EHD3: variants seen among roughly 807,000 people sequenced by gnomAD.
The protein encoded by EHD3 is EH domain-containing protein 3.
In EHD3, 17 loss-of-function variants were observed where a neutral mutation model predicts 43.0. The observed-to-expected ratio is 0.40, with a 90% CI of 0.27 to 0.59. The LOEUF (loss-of-function observed/expected upper bound fraction) is 0.59. Among genes scored for constraint, EHD3 ranks in the 20% least tolerant of loss-of-function variants. The probability of loss-of-function intolerance (pLI) is 0.49; values close to 1 mark genes in which losing one functional copy is unlikely to be tolerated. For missense variants in EHD3, 594 were observed against 705.6 expected (o/e 0.84, Z 1.79); for synonymous variants, 313 against 289.5 (o/e 1.08, Z -0.82).
intron 3 of EHD3, among the ~76,000 whole-genome samples, chr2:31,252,459 G>A (rs1169672716): frequency 4.6e-5 from 7 of 152,090 alleles, no homozygotes; most frequent in Admixed American, 6.5e-5. Context: ...TTCTGTTTTT[G>A]TTGTTGTTGT....
In EHD3 at chr2:31,266,314, C is replaced by A. The variant is rs1683950111; in HGVS notation, c.1218C>A (p.Ile406=). Residue 406 remains isoleucine, a synonymous_variant, in exon 6 of 6, where the codon ATC becomes ATA. Coordinates refer to ENST00000322054, the MANE Select transcript of EHD3 (RefSeq NM_014600.3). The surrounding 1 kb of genome is among the most constrained non-coding windows in gnomAD (Gnocchi z 5.1). ...GCCAGGAGGAGTCACAGCGGCCCAT[C>A]CAGATGGTGAAGGGCGGAGCGTTCG... ...LVRQEESQRP[I]QMVKGGAFEG... is the part of the protein sequence containing the mutation. The A allele has an allele frequency of 1.2e-6, 2 of 1,614,078 alleles. No homozygotes were observed. Among genetic ancestry groups the A allele is most frequent in the African/African-American group, 1.3e-5 (1 of 74,916 alleles).
chr2:31,266,446 G>C lies in EHD3; in HGVS notation c.1350G>C (p.Glu450Asp). The change falls in exon 6 of 6, where the codon GAG becomes GAC. Residue 450 changes from glutamate (E) to aspartate (D), a missense_variant. Transcript: ENST00000322054. This position sits in a 1 kb window ranked among gnomAD's most constrained non-coding sequence, Gnocchi z 5.1. The stretch of plus-strand genomic sequence containing the variant: ...CCAGGGACAAGCCCATGTACGACGA[G>C]ATCTTCTACACCCTGTCACCGGTGG... ...VVARDKPMYD[E>D]IFYTLSPVDG... The C allele has an allele frequency of 1.2e-6, 2 of 1,614,044 alleles. No individual in the cohort carries two copies. The highest frequency in any genetic ancestry group is 1.7e-6 in the Non-Finnish European group (2 of 1,180,000).
rs75729179 is a variant in EHD3 at position 31,239,805 on chromosome 2, C to T, written c.228-4469C>T. Reference sequence around the variant, plus strand: ...TTAGCACCAGCTGTGCTCCAGGCACCGCGCATGGGGCTTTATCATTTCCTC... The same window carrying T: ...TTAGCACCAGCTGTGCTCCAGGCACTGCGCATGGGGCTTTATCATTTCCTC... On this transcript the variant is annotated intron_variant, in intron 1 of 5. Coordinates refer to ENST00000322054, the MANE Select transcript of EHD3 (RefSeq NM_014600.3). 6.7e-3 allele frequency among the ~76,000 whole-genome samples: 1,019 copies of T among 151,380 alleles called. 10 individuals are homozygous for T. The highest frequency in any genetic ancestry group is 0.021 in the African/African-American group (873 of 41,132).
At chr2:31,243,471 T>A (rs1683461462) in intron 1 of EHD3, among the ~76,000 whole-genome samples, 1 of 145,292 alleles carries the variant, frequency 6.9e-6, no homozygotes, top group Non-Finnish European at 1.5e-5. Context: ...TTTTTTTTTT[T>A]TTGAGACAGA....
intron 2 of EHD3, 33 bp downstream of exon 2, chr2:31,244,483 G>A (rs754667380): frequency 3.7e-6 from 6 of 1,602,992 alleles, no homozygotes; most frequent in Non-Finnish European, 5.1e-6. Context: ...ACTTTCAGGT[G>A]CTCTCTTTTC....
intron 1 of EHD3, among the ~76,000 whole-genome samples, chr2:31,237,877 TCTTCA>T (rs1191474275): frequency 1.3e-5 from 2 of 152,256 alleles, no homozygotes; most frequent in Admixed American, 1.3e-4. Context: ...TATATACGAT[TCTTCA>T]CTTAATCTAC....
rs1459682316 is a variant in EHD3 at position 31,266,555 on chromosome 2, C to G, written c.1459C>G (p.Leu487Val). The G allele has an allele frequency of 6.2e-7, 1 of 1,614,180 alleles. No individual in the cohort carries two copies. Among genetic ancestry groups the G allele is most frequent in the Non-Finnish European group, 8.5e-7 (1 of 1,180,038 alleles). ...CAGTGTGCTGGGCAAGATCTGGAAG[C>G]TGGCCGACATTGACAAGGATGGCAT... ...PNSVLGKIWK[L>V]ADIDKDGMLD... Residue 487 changes from leucine (L) to valine (V), a missense_variant, in exon 6 of 6, where the codon CTG becomes GTG. By Grantham distance (32) the Leu-to-Val change is conservative. Around this residue, in one of 3 missense-constraint regions of EHD3, gnomAD observed 322 missense variants for 348.0 expected, o/e 0.93. Coordinates refer to ENST00000322054, the MANE Select transcript of EHD3 (RefSeq NM_014600.3). This position sits in a 1 kb window ranked among gnomAD's most constrained non-coding sequence, Gnocchi z 5.1.
Position 31,244,386 on chromosome 2 carries a change from CTGG to C in EHD3, c.347_349del (p.Val116del). ...GGAGGGGATCATCCCTGGGAACGCC[CTGG>C]TGGTGGATCCCAAGAAACCCTTCAG... On this transcript the variant is annotated inframe_deletion, in exon 2 of 6. Transcript: ENST00000322054. The C allele has an allele frequency of 6.2e-7, 1 of 1,614,212 alleles. No individual in the cohort carries two copies. Among genetic ancestry groups the C allele is most frequent in the South Asian group, 1.1e-5 (1 of 91,086 alleles).
At chr2:31,239,762 G>A (rs567282561) in intron 1 of EHD3, among the ~76,000 whole-genome samples, 2 of 152,234 alleles carry the variant, frequency 1.3e-5, no homozygotes, top group African/African-American at 4.8e-5. Flanking sequence ...GGGGTGGGGA[G>A]GGGGAGGCAG....
intron 1 of EHD3, among the ~76,000 whole-genome samples, chr2:31,242,163 G>A (rs890337160): frequency 1.7e-4 from 26 of 152,192 alleles, no homozygotes; most frequent in Non-Finnish European, 2.6e-4. Context: ...AGCTCAGAAC[G>A]CTGCTCAAAG....
chr2:31,260,872 G>A lies in EHD3; in HGVS notation c.865G>A (p.Ala289Thr), dbSNP rs976025920. Residue 289 changes from alanine (A) to threonine (T), a missense_variant, in exon 4 of 6, where the codon GCT becomes ACT. By Grantham distance (58) the Ala-to-Thr change is moderately conservative. Coordinates refer to ENST00000322054, the MANE Select transcript of EHD3 (RefSeq NM_014600.3). This position sits in a 1 kb window ranked among gnomAD's most constrained non-coding sequence, Gnocchi z 4.6. ...FRDIQSLPRN[A>T]ALRKLNDLIK... ...GGACATCCAGAGTCTGCCCCGAAAT[G>A]CTGCCCTGCGCAAGCTCAACGACCT... The A allele has an allele frequency of 1.2e-6, 2 of 1,613,958 alleles. No homozygotes were observed. The highest frequency in any genetic ancestry group is 1.7e-6 in the Non-Finnish European group (2 of 1,179,926).
chr2:31,263,343 A>G (rs1299924483), intron 5 of EHD3, among the ~76,000 whole-genome samples: 2 of 152,230 alleles, frequency 1.3e-5, no homozygotes, highest in African/African-American at 2.4e-5. Flanking sequence ...AATGTGAGGA[A>G]TTCTTTCAAA....
Position 31,266,662 on chromosome 2 carries a change from T to C in EHD3, c.1566T>C (p.Pro522=). The change falls in exon 6 of 6, where the codon CCT becomes CCC. Residue 522 remains proline, a synonymous_variant. Transcript: ENST00000322054. The surrounding 1 kb of genome is among the most constrained non-coding windows in gnomAD (Gnocchi z 5.1). ...GGCACGAGCTGCCCAACGAGCTGCC[T>C]GCCCACCTCCTGCCCCCGTCCAAGA... is the stretch of plus-strand genomic sequence containing the variant. ...LEGHELPNEL[P]AHLLPPSKRK... 2 of 1,612,076 alleles carry C rather than the reference T, an allele frequency of 1.2e-6. No individual in the cohort carries two copies. The highest frequency in any genetic ancestry group is 1.7e-6 in the Non-Finnish European group (2 of 1,178,630).
At chr2:31,261,835 C>CTTTTTT in intron 5 of EHD3, 122 bp downstream of exon 5, 2 of 1,057,500 alleles carry the variant, frequency 1.9e-6, no homozygotes, top group East Asian at 2.9e-5. Context: ...AATCTGCAGG[C>CTTTTTT]AAGGAGGTGG....
intron 3 of EHD3, among the ~76,000 whole-genome samples, chr2:31,258,651 C>G (rs1246529220): frequency 6.6e-6 from 1 of 152,138 alleles, no homozygotes; most frequent in East Asian, 1.9e-4. Flanking sequence ...AGAAGTGGGG[C>G]TGATATTAGT....
At chr2:31,247,198 A>T (rs1321787883) in intron 2 of EHD3, among the ~76,000 whole-genome samples, 8 of 152,184 alleles carry the variant, frequency 5.3e-5, no homozygotes, top group Non-Finnish European at 2.9e-5. Flanking sequence ...ACCGGCCTAC[A>T]GTGGTTCCAT....
chr2:31,261,014 C>T lies in EHD3; in HGVS notation c.915+92C>T, dbSNP rs536023672. 1.7e-4 allele frequency: 238 copies of T among 1,415,966 alleles called. 2 individuals carry two copies. The East Asian group carries it at 5.3e-3, about 32-fold the overall frequency. The allele number at this position is 1,415,966 out of a possible 1,614,324, so 87.7% of individuals were successfully genotyped here. A position where few individuals can be genotyped will look rare whatever the true frequency, so the allele number is the denominator to read the frequency against. On this transcript the variant is annotated intron_variant, in intron 4 of 5. Coordinates refer to ENST00000322054, the MANE Select transcript of EHD3 (RefSeq NM_014600.3). ...GCTGAGGGTTGCTGCCTCCAACAGC[C>T]AGTGCATCATGTGTGTGACACCAAG...
intron 3 of EHD3, among the ~76,000 whole-genome samples, chr2:31,253,819 T>C (rs1270428828): frequency 6.6e-6 from 1 of 152,058 alleles, no homozygotes; most frequent in Non-Finnish European, 1.5e-5. Context: ...TGCAGATGCA[T>C]TGGGGTGGGC....
chr2:31,241,002 C>A (rs1340924715), intron 1 of EHD3, among the ~76,000 whole-genome samples: 1 of 152,134 alleles, frequency 6.6e-6, no homozygotes, highest in Non-Finnish European at 1.5e-5. Flanking sequence ...TAATCTTGGC[C>A]GACTGTTTGT....
Sources: allele counts gnomAD v4.1 joint callset (sites outside exome capture counted in the v4.1 genomes callset), GRCh38; gene constraint gnomAD v4.1.1; regional missense constraint gnomAD v4.1.1; non-coding constraint Gnocchi (gnomAD v3.1); transcripts MANE v1.5; gene names NCBI Gene and HGNC (gene_info 2026-07-23, HGNC 2026-07-21).